Variants in DCDC2 observed in about 807,000 individuals in gnomAD.
The protein encoded by DCDC2 is doublecortin domain-containing protein 2.
A neutral mutation model predicts 50.2 loss-of-function variants in DCDC2; 40 were observed. That is an observed-to-expected ratio of 0.80 (90% CI 0.62 to 1.04). The LOEUF (loss-of-function observed/expected upper bound fraction) is 1.04. Ranked by LOEUF, DCDC2 falls within the 50% of genes least tolerant of loss-of-function variation. The pLI, the probability that DCDC2 is intolerant of heterozygous loss-of-function variation, is 0.00. For missense variants in DCDC2, 570 were observed against 581.9 expected (o/e 0.98, Z 0.21); for synonymous variants, 234 against 210.6 (o/e 1.11, Z -0.96).
rs74607513 is a variant in DCDC2, at chr6:24,174,003, T to C, written c.*727A>G. 5.3e-5 allele frequency: 8 copies of C among 152,162 alleles called. No individual in the cohort carries two copies. Among genetic ancestry groups the C allele is most frequent in the Admixed American group, 5.2e-4 (8 of 15,276 alleles). 9.4% of individuals were successfully genotyped at this position (152,162 alleles called of 1,614,324 possible). ...ATTTCCATTATCTGCAAACCATACATCCAGGCTTTATAATATAACTGGGTG... is the reference window on the plus strand; with the variant it reads ...ATTTCCATTATCTGCAAACCATACACCCAGGCTTTATAATATAACTGGGTG... On this transcript the variant is annotated 3_prime_UTR_variant, in exon 10 of 10. Coordinates refer to ENST00000378454, the MANE Select transcript of DCDC2 (RefSeq NM_016356.5).
intron 8 of DCDC2, among the ~76,000 whole-genome samples, chr6:24,191,291 T>A (rs1761309114): frequency 6.6e-6 from 1 of 152,166 alleles, no homozygotes; most frequent in African/African-American, 2.4e-5. Flanking sequence ...TAATTCTCCA[T>A]TAGTTGGGGG....
chr6:24,328,779 G>C (rs1015982828), intron 2 of DCDC2, among the ~76,000 whole-genome samples: 4 of 152,160 alleles, frequency 2.6e-5, no homozygotes, highest in Non-Finnish European at 4.4e-5. Flanking sequence ...ATTGGGCTTA[G>C]ACACTGTGAA....
intron 7 of DCDC2, among the ~76,000 whole-genome samples, chr6:24,218,465 A>G (rs1245404419): frequency 2.0e-5 from 3 of 152,220 alleles, no homozygotes; most frequent in African/African-American, 7.2e-5. Flanking sequence ...TAGAAAAGAT[A>G]AAATACATAC....
At chr6:24,374,776 C>A in the DCDC2 span, among the ~76,000 whole-genome samples, 1 of 152,110 alleles carries the variant, frequency 6.6e-6, no homozygotes, top group Non-Finnish European at 1.5e-5. Flanking sequence ...GGGTCTCTGA[C>A]TGAGACGCAG....
At chr6:24,185,795 G>T (rs1012400042) in intron 8 of DCDC2, among the ~76,000 whole-genome samples, 1 of 151,802 alleles carries the variant, frequency 6.6e-6, no homozygotes. Flanking sequence ...CTCCCTCTAT[G>T]TAACTATTCT....
intron 2 of DCDC2, among the ~76,000 whole-genome samples, chr6:24,351,350 G>C (rs1337363185): frequency 6.6e-6 from 1 of 152,186 alleles, no homozygotes; most frequent in African/African-American, 2.4e-5. Context: ...CTTTAGGACA[G>C]GAGGGCAGAG....
At chr6:24,375,733 A>G in the DCDC2 span, among the ~76,000 whole-genome samples, 11 of 152,280 alleles carry the variant, frequency 7.2e-5, no homozygotes, top group East Asian at 3.9e-4. Flanking sequence ...GACATTGTCT[A>G]TTTTGTCGCT....
rs75134239 is a variant in DCDC2 at position 24,208,086 on chromosome 6, G to A, written c.923-2984C>T. On this transcript the variant is annotated intron_variant, in intron 7 of 9. Transcript: ENST00000378454. ...ATCCCCTCAATTTCACCTTGATTTC[G>A]ATCATTTTCATCAAATGGAGCGATT... is the stretch of plus-strand genomic sequence containing the variant. Among the ~76,000 whole-genome samples, 125 of 152,040 alleles carry A rather than the reference G, an allele frequency of 8.2e-4. 1 individual carries two copies. In the East Asian group the frequency reaches 0.016, roughly 20 times the overall value.
chr6:24,241,030 T>C (rs1419483381), intron 7 of DCDC2, among the ~76,000 whole-genome samples: 1 of 152,226 alleles, frequency 6.6e-6, no homozygotes, highest in Non-Finnish European at 1.5e-5. Flanking sequence ...TCATTTTTTG[T>C]TGGTTGTAGG....
chr6:24,217,741 G>T (rs1354855923), intron 7 of DCDC2, among the ~76,000 whole-genome samples: 1 of 152,118 alleles, frequency 6.6e-6, no homozygotes, highest in African/African-American at 2.4e-5. Flanking sequence ...AGCATTTAAG[G>T]TGTTTATATT....
chr6:24,222,338 G>A (rs1161497608), intron 7 of DCDC2, among the ~76,000 whole-genome samples: 2 of 152,196 alleles, frequency 1.3e-5, no homozygotes, highest in Non-Finnish European at 2.9e-5. Context: ...CTTTACCTGT[G>A]AGCTTTTCTT....
At chr6:24,264,400 C>T (rs2113808409) in intron 7 of DCDC2, among the ~76,000 whole-genome samples, 1 of 145,608 alleles carries the variant, frequency 6.9e-6, no homozygotes, top group East Asian at 2.0e-4. Context: ...AAATGTGAAC[C>T]TATTAAAAAT....
intron 2 of DCDC2, among the ~76,000 whole-genome samples, chr6:24,312,367 T>C (rs1759587213): frequency 6.6e-6 from 1 of 152,242 alleles, no homozygotes; most frequent in South Asian, 2.1e-4. Context: ...CAGTAACTTC[T>C]AGAAATTCCA....
chr6:24,364,941 A>G, the DCDC2 span, among the ~76,000 whole-genome samples: 1 of 152,178 alleles, frequency 6.6e-6, no homozygotes, highest in East Asian at 1.9e-4. Flanking sequence ...TTTTTCCTTA[A>G]AAAGTGTCAC....
chr6:24,176,528 C>T (rs1021422651), intron 9 of DCDC2, among the ~76,000 whole-genome samples: 1 of 152,088 alleles, frequency 6.6e-6, no homozygotes, highest in Non-Finnish European at 1.5e-5. Flanking sequence ...ATGTTTATAG[C>T]ATACAAAATG....
intron 7 of DCDC2, among the ~76,000 whole-genome samples, chr6:24,227,332 G>T (rs1265683516): frequency 1.3e-5 from 2 of 152,156 alleles, no homozygotes; most frequent in African/African-American, 4.8e-5. Context: ...TACTCCCACT[G>T]GGCCCTTCTA....
At chr6:24,349,736 C>T (rs1478020250) in intron 2 of DCDC2, among the ~76,000 whole-genome samples, 2 of 152,128 alleles carry the variant, frequency 1.3e-5, no homozygotes, top group South Asian at 2.1e-4. Flanking sequence ...CATTAAACCA[C>T]CACTGACACA....
chr6:24,284,548 T>C (rs910201873), intron 6 of DCDC2, among the ~76,000 whole-genome samples: 3 of 150,850 alleles, frequency 2.0e-5, no homozygotes, highest in Non-Finnish European at 4.4e-5. Context: ...GGGGCAGAGG[T>C]TGCAGTGAGC....
chr6:24,192,604 C>T (rs1028597863), intron 8 of DCDC2, among the ~76,000 whole-genome samples: 14 of 151,938 alleles, frequency 9.2e-5, no homozygotes, highest in Non-Finnish European at 1.9e-4. Context: ...AAAACAAGAA[C>T]AGGATGCTAA....
Sources: allele counts gnomAD v4.1 joint callset (sites outside exome capture counted in the v4.1 genomes callset), GRCh38; gene constraint gnomAD v4.1.1; transcripts MANE v1.5; gene names NCBI Gene and HGNC (gene_info 2026-07-23, HGNC 2026-07-21).